CD72: variants seen among roughly 807,000 people sequenced by gnomAD.
CD72 encodes the protein CD72 molecule.
In CD72, 28 loss-of-function variants were observed where a neutral mutation model predicts 50.7. That is an observed-to-expected ratio of 0.55 (90% CI 0.41 to 0.76). The LOEUF is 0.76. Ranked by LOEUF, CD72 falls within the 30% of genes least tolerant of loss-of-function variation. CD72 has a pLI of 0.00. For missense variants in CD72, 403 were observed against 420.6 expected, an observed-to-expected ratio of 0.96 and a Z score of 0.37; for synonymous variants, 176 against 171.2, an observed-to-expected ratio of 1.03 and a Z score of -0.22.
chr9:35,639,936 T>C (rs1236261222), intron 1 of CD72, among the ~76,000 whole-genome samples: 2 of 152,260 alleles, frequency 1.3e-5, no homozygotes. Flanking sequence ...AAGGAAAAAA[T>C]ACATAGAAAT....
chr9:35,625,160 C>T (rs1451079045), intron 1 of CD72, among the ~76,000 whole-genome samples: 1 of 152,196 alleles, frequency 6.6e-6, no homozygotes, highest in Admixed American at 6.5e-5. Flanking sequence ...AAAGCTAGGC[C>T]TCTTATGCCA....
At chr9:35,629,021 T>G (rs1823220153) in intron 1 of CD72, among the ~76,000 whole-genome samples, 1 of 152,050 alleles carries the variant, frequency 6.6e-6, no homozygotes, top group Non-Finnish European at 1.5e-5. Flanking sequence ...ACTAAAGGCA[T>G]GCACCACAAT....
At chr9:35,620,961 G>C (rs758532894), upstream of CD72, among the ~76,000 whole-genome samples, 2 of 152,148 alleles carry the variant, frequency 1.3e-5, no homozygotes, top group Non-Finnish European at 2.9e-5. Context: ...ATCACAGGCC[G>C]CATTCGCTTC....
chr9:35,612,233 A>C (rs1308530497), intron 6 of CD72, among the ~76,000 whole-genome samples: 1 of 152,202 alleles, frequency 6.6e-6, no homozygotes, highest in African/African-American at 2.4e-5. Flanking sequence ...AGGCCACAAG[A>C]GTCCAGGAAC....
intron 3 of CD72, 178 bp from the exon 4 acceptor site, chr9:35,616,867 G>T (rs1166585484): frequency 1.9e-6 from 2 of 1,050,304 alleles, no homozygotes; most frequent in African/African-American, 3.2e-5. Context: ...GCAGGTAGGG[G>T]AGAGGGTGTT....
At chr9:35,635,736 T>C (rs1823284173) in intron 1 of CD72, among the ~76,000 whole-genome samples, 1 of 152,214 alleles carries the variant, frequency 6.6e-6, no homozygotes, top group Non-Finnish European at 1.5e-5. Flanking sequence ...AGGCTGTCTC[T>C]GAGACTTGCT....
rs544488494 is a variant in CD72 at position 35,627,090 on chromosome 9, G to A, written n.409-8969C>T. 1.3e-4 allele frequency among the ~76,000 whole-genome samples: 20 copies of A among 150,222 alleles called. 1 individual carries two copies. The South Asian group carries it at 4.0e-3, about 30-fold the overall frequency. ...CCTGACTTCGTGATCTGCCCACCTCGGCCTCCCAAAGTGATCGGATTACAG... is the reference window on the plus strand; with the variant it reads ...CCTGACTTCGTGATCTGCCCACCTCAGCCTCCCAAAGTGATCGGATTACAG... On this transcript the variant is annotated intron_variant and non_coding_transcript_variant, in intron 1 of 3. Transcript: ENST00000465754.
chr9:35,617,461 A>C (rs1823083862), intron 2 of CD72, among the ~76,000 whole-genome samples: 1 of 149,656 alleles, frequency 6.7e-6, no homozygotes, highest in African/African-American at 2.5e-5. Flanking sequence ...TTTTCCCGGG[A>C]CCCCCTCATC....
At chr9:35,617,735 A>G (rs1336302811) in intron 2 of CD72, among the ~76,000 whole-genome samples, 1 of 151,734 alleles carries the variant, frequency 6.6e-6, no homozygotes, top group Non-Finnish European at 1.5e-5. Context: ...TTTCCTAAGA[A>G]CCGCCCTCCT....
chr9:35,610,154 G>C lies in CD72; in HGVS notation c.*169C>G, dbSNP rs1307028000. ...TTTCCCAGGAACAGTCCAGTTTCAGGAAGAGGGAGCAGGCAGCAGACTGGC... is the reference window on the plus strand; with the variant it reads ...TTTCCCAGGAACAGTCCAGTTTCAGCAAGAGGGAGCAGGCAGCAGACTGGC... On this transcript the variant is annotated 3_prime_UTR_variant, in exon 9 of 9. Transcript: ENST00000259633. 2.9e-5 allele frequency: 6 copies of C among 204,488 alleles called. No homozygotes were observed. The highest frequency in any genetic ancestry group is 1.2e-4 in the African/African-American group (5 of 43,006). The allele number at this position is 204,488 out of a possible 1,614,324, so 12.7% of individuals were successfully genotyped here.
intron 1 of CD72, among the ~76,000 whole-genome samples, chr9:35,637,419 G>T (rs62545500): frequency 0.21 from 32,015 of 152,074 alleles, 3,595 homozygotes; most frequent in South Asian, 0.27. Flanking sequence ...TCTGTGAGGA[G>T]ATCCACCTAC....
At chr9:35,620,295 C>A (rs1016061641), upstream of CD72, among the ~76,000 whole-genome samples, 1 of 151,994 alleles carries the variant, frequency 6.6e-6, no homozygotes, top group Non-Finnish European at 1.5e-5. Context: ...AGTGAAACCC[C>A]GTCTCTACTA....
At chr9:35,622,701 C>A (rs1367894775), upstream of CD72, among the ~76,000 whole-genome samples, 1 of 151,922 alleles carries the variant, frequency 6.6e-6, no homozygotes, top group African/African-American at 2.4e-5. Context: ...GCAAAAGAAT[C>A]GCTTAAACCC....
chr9:35,631,761 G>A (rs988342222), intron 1 of CD72, among the ~76,000 whole-genome samples: 1 of 152,104 alleles, frequency 6.6e-6, no homozygotes, highest in Non-Finnish European at 1.5e-5. Flanking sequence ...GTGGTGGTGG[G>A]CACCTGTAAT....
At chr9:35,636,379 G>A (rs750955683) in intron 1 of CD72, among the ~76,000 whole-genome samples, 9 of 152,096 alleles carry the variant, frequency 5.9e-5, no homozygotes, top group Admixed American at 2.0e-4. Flanking sequence ...TCACAAGACC[G>A]AAGAGGAAAT....
At chr9:35,616,394 A>T (rs1823064785) in intron 4 of CD72, 116 bp from the exon 5 acceptor site, 1 of 878,408 alleles carries the variant, frequency 1.1e-6, no homozygotes. Flanking sequence ...AGGCTGAAAT[A>T]CAAGATTTGA....
rs542323525 is a variant in CD72 at position 35,638,415 on chromosome 9, C to T, written n.408+7988G>A. On this transcript the variant is annotated intron_variant and non_coding_transcript_variant, in intron 1 of 3. Coordinates refer to the CD72 transcript ENST00000465754. ...ACCCTATAACCCTTCTATCACCTCCCCTCCTCACACCCAGTCTGGCTTACA... is the reference window on the plus strand; with the variant it reads ...ACCCTATAACCCTTCTATCACCTCCTCTCCTCACACCCAGTCTGGCTTACA... 2.4e-4 allele frequency among the ~76,000 whole-genome samples: 37 copies of T among 152,298 alleles called. No individual in the cohort carries two copies. In the East Asian group the frequency reaches 3.1e-3, roughly 13 times the overall value.
At position 35,611,908 on chromosome 9, in the gene CD72, G is replaced by A. The variant is rs1822992381; in HGVS notation, c.846C>T (p.Tyr282=). 3.2e-6 allele frequency: 5 copies of A among 1,557,878 alleles called. No individual in the cohort carries two copies. The highest frequency in any genetic ancestry group is 1.4e-5 in the African/African-American group (1 of 73,814). Residue 282 remains tyrosine, a synonymous_variant, in exon 7 of 9, where the codon TAC becomes TAT. Coordinates refer to ENST00000259633, the MANE Select transcript of CD72 (RefSeq NM_001782.3). ...CATTTGGCAACAGTGAATTTAAGAA[G>A]TAGTAAGAGTGCTGAGGGGAGATTC... is the stretch of plus-strand genomic sequence containing the variant. ...SEIYPQSHSY[Y]FLNSLLPNGG...
At chr9:35,635,681 G>T (rs1479995573) in intron 1 of CD72, among the ~76,000 whole-genome samples, 1 of 152,186 alleles carries the variant, frequency 6.6e-6, no homozygotes, top group Non-Finnish European at 1.5e-5. Context: ...CATTAGTTTT[G>T]CTGGTAGTTA....
Sources: gnomAD v4.1 joint callset for allele counts (sites outside exome capture counted in the v4.1 genomes callset) on GRCh38, gnomAD v4.1.1 for gene constraint, MANE v1.5 for transcripts, NCBI Gene and HGNC (gene_info 2026-07-23, HGNC 2026-07-21) for gene names.